DOCK2: variants seen among roughly 807,000 people sequenced by gnomAD.
The protein encoded by DOCK2 is dedicator of cytokinesis protein 2.
Under a neutral mutation model 248.9 loss-of-function variants are expected in DOCK2, and 87 were observed. That is an observed-to-expected ratio of 0.35 (90% confidence interval 0.29 to 0.42). The LOEUF (loss-of-function observed/expected upper bound fraction) is 0.42, where lower values mean the gene tolerates loss of function less well. DOCK2 is among the 10% of genes least tolerant of loss of function. The pLI, the probability that DOCK2 is intolerant of heterozygous loss-of-function variation, is 1.00. For missense variants in DOCK2, 1,747 were observed against 2,300.2 expected (o/e 0.76, Z 4.92); for synonymous variants, 805 against 821.6 (o/e 0.98, Z 0.35).
At position 169,966,714 on chromosome 5, in the gene DOCK2, A is replaced by C. The variant is rs974255975; in HGVS notation, c.2800-16354A>C. Among the ~76,000 whole-genome samples the C allele has an allele frequency of 2.0e-5, 3 of 152,104 alleles. No homozygotes were observed. The East Asian group carries it at 5.8e-4, about 29-fold the overall frequency. ...ACAGAGCTGAGACTATGGTCTCCTC[A>C]CTCTGGGACAAGTGTTGTTTCCTAC... On this transcript the variant is annotated intron_variant, in intron 27 of 51. Coordinates refer to ENST00000520908, the MANE Select transcript of DOCK2 (RefSeq NM_004946.3).
At chr5:170,017,733 A>C (rs1470161376) in intron 32 of DOCK2, among the ~76,000 whole-genome samples, 3 of 152,232 alleles carry the variant, frequency 2.0e-5, no homozygotes, top group Non-Finnish European at 4.4e-5. Context: ...AACTTGATCA[A>C]CATTACACAG....
intron 9 of DOCK2, among the ~76,000 whole-genome samples, chr5:169,694,672 A>G (rs1196274461): frequency 6.6e-6 from 1 of 152,178 alleles, no homozygotes; most frequent in Non-Finnish European, 1.5e-5. Context: ...GCGTTTCACC[A>G]GTTTTGGCTT....
At chr5:169,942,149 T>C (rs535732751) in intron 27 of DOCK2, among the ~76,000 whole-genome samples, 8 of 152,366 alleles carry the variant, frequency 5.3e-5, no homozygotes, top group African/African-American at 1.9e-4. Flanking sequence ...ATTAAGATGT[T>C]GACACCTGAG....
In DOCK2 at chr5:169,717,402, A is replaced by G. The variant is rs35832136; in HGVS notation, c.2050A>G (p.Ile684Val). 9 of 1,613,872 alleles carry G rather than the reference A, an allele frequency of 5.6e-6. No homozygotes were observed. Among genetic ancestry groups the G allele is most frequent in the Non-Finnish European group, 6.8e-6 (8 of 1,179,776 alleles). The change falls in exon 21 of 52, where the codon ATT becomes GTT. Residue 684 changes from isoleucine to valine, a missense_variant. Physicochemically the swap from Ile to Val is conservative, Grantham distance 29 (BLOSUM62 3). Transcript: ENST00000520908. ...FDALIYIIGL[I>V]ADRKFQHFNT... is the part of the protein sequence containing the mutation. The stretch of plus-strand genomic sequence containing the variant: ...TCCTCAGATTTACATAATAGGACTC[A>G]TTGCAGACCGGAAATTTCAGCATTT...
At chr5:169,945,705 C>T (rs920018137) in intron 27 of DOCK2, among the ~76,000 whole-genome samples, 1 of 152,132 alleles carries the variant, frequency 6.6e-6, no homozygotes, top group Non-Finnish European at 1.5e-5. Context: ...GTGCTCCTCC[C>T]GCTTAAAAAT....
At chr5:169,918,961 A>G (rs1775027299) in intron 27 of DOCK2, among the ~76,000 whole-genome samples, 1 of 152,144 alleles carries the variant, frequency 6.6e-6, no homozygotes, top group South Asian at 2.1e-4. Context: ...ATATATGAGT[A>G]TGTAAGATGA....
intron 1 of DOCK2, among the ~76,000 whole-genome samples, chr5:169,651,258 CA>C (rs1757790212): frequency 6.6e-6 from 1 of 152,214 alleles, no homozygotes. Flanking sequence ...GGCCCTTATG[CA>C]AAGGCAGAAA....
chr5:169,876,582 G>T lies in DOCK2; in HGVS notation c.2799+35730G>T, dbSNP rs377212473. On this transcript the variant is annotated intron_variant, in intron 27 of 51. Coordinates refer to ENST00000520908, the MANE Select transcript of DOCK2 (RefSeq NM_004946.3). ...AAGGGTTTCAATGTCCTATGAAAGT[G>T]CAGCAAGCTCTCTGAGTCATCAAAG... 1.3e-3 allele frequency among the ~76,000 whole-genome samples: 199 copies of T among 152,322 alleles called. 5 individuals are homozygous for T. The South Asian group carries it at 0.039, about 30-fold the overall frequency.
intron 5 of DOCK2, among the ~76,000 whole-genome samples, chr5:169,672,617 A>G (rs1485247020): frequency 6.6e-6 from 1 of 152,150 alleles, no homozygotes; most frequent in Non-Finnish European, 1.5e-5. Flanking sequence ...ATTCAGTTCA[A>G]CGCTGACTAC....
intron 2 of DOCK2, among the ~76,000 whole-genome samples, chr5:169,658,818 G>A (rs1226068410): frequency 6.6e-6 from 1 of 151,698 alleles, no homozygotes; most frequent in Non-Finnish European, 1.5e-5. Context: ...GCTGAGGCAG[G>A]AGGATCCCTT....
chr5:170,046,404 T>G (rs1182094473), intron 39 of DOCK2, among the ~76,000 whole-genome samples: 1 of 152,138 alleles, frequency 6.6e-6, no homozygotes, highest in Non-Finnish European at 1.5e-5. Context: ...GAAGCCTGGG[T>G]TTGGCGGGGA....
intron 22 of DOCK2, among the ~76,000 whole-genome samples, chr5:169,727,219 T>C (rs961574625): frequency 2.0e-5 from 3 of 152,238 alleles, no homozygotes; most frequent in Non-Finnish European, 4.4e-5. Context: ...CTCTCCTCTG[T>C]GCTTGGCCCT....
intron 27 of DOCK2, among the ~76,000 whole-genome samples, chr5:169,926,884 A>G (rs1005632377): frequency 6.6e-6 from 1 of 152,238 alleles, no homozygotes; most frequent in African/African-American, 2.4e-5. Flanking sequence ...AGACCAGTAC[A>G]TGAAAAATAA....
At chr5:169,831,223 A>G (rs1043440930) in intron 26 of DOCK2, among the ~76,000 whole-genome samples, 1 of 152,178 alleles carries the variant, frequency 6.6e-6, no homozygotes, top group African/African-American at 2.4e-5. Context: ...TTTCAAAAAA[A>G]AAAGGTGTAT....
rs1048798982 is a variant in DOCK2, at chr5:170,021,572, T to C, written c.3381+2464T>C. On this transcript the variant is annotated intron_variant, in intron 33 of 51. Coordinates refer to ENST00000520908, the MANE Select transcript of DOCK2 (RefSeq NM_004946.3). The stretch of plus-strand genomic sequence containing the variant: ...CTCGTATCTTGGTTTCTCTGTGGCA[T>C]GCACCCACCTGTTTTCTCCGTATAG... Among the ~76,000 whole-genome samples the C allele has an allele frequency of 7.9e-5, 12 of 152,328 alleles. No homozygotes were observed. In the East Asian group the frequency reaches 1.9e-3, roughly 25 times the overall value.
At chr5:169,897,706 C>T (rs904702879) in intron 27 of DOCK2, among the ~76,000 whole-genome samples, 13 of 152,274 alleles carry the variant, frequency 8.5e-5, no homozygotes, top group African/African-American at 1.2e-4. Context: ...TGCCTTGTGA[C>T]GGGGTGAGCT....
At chr5:169,791,498 T>G (rs969453414) in intron 25 of DOCK2, among the ~76,000 whole-genome samples, 8 of 152,322 alleles carry the variant, frequency 5.3e-5, no homozygotes, top group Non-Finnish European at 8.8e-5. Flanking sequence ...CAATCAATCA[T>G]TAAACAGACC....
chr5:169,845,312 T>C (rs1457057464), intron 27 of DOCK2, among the ~76,000 whole-genome samples: 1 of 151,950 alleles, frequency 6.6e-6, no homozygotes, highest in Non-Finnish European at 1.5e-5. Context: ...CCCTGTGTTC[T>C]CCGAGGCCCT....
intron 33 of DOCK2, among the ~76,000 whole-genome samples, chr5:170,019,566 C>T (rs929481588): frequency 2.0e-5 from 3 of 152,118 alleles, no homozygotes; most frequent in Non-Finnish European, 2.9e-5. Context: ...GAGTTAGGGA[C>T]GTGTTGCTCA....
Sources: allele counts gnomAD v4.1 joint callset (sites outside exome capture counted in the v4.1 genomes callset), GRCh38; gene constraint gnomAD v4.1.1; transcripts MANE v1.5; gene names NCBI Gene and HGNC (gene_info 2026-07-23, HGNC 2026-07-21).